The following ARHGAP26 variants were observed in gnomAD, a reference collection of about 807,000 sequenced individuals.
The protein encoded by ARHGAP26 is Rho GTPase activating protein 26.
Under a neutral mutation model 104.8 loss-of-function variants are expected in ARHGAP26, and 38 were observed. The observed-to-expected ratio is 0.36, with a 90% CI of 0.28 to 0.48. The LOEUF (loss-of-function observed/expected upper bound fraction) is 0.48. Ranked by LOEUF, ARHGAP26 falls within the 20% of genes least tolerant of loss-of-function variation. The probability of loss-of-function intolerance (pLI) is 0.99; values close to 1 mark genes in which losing one functional copy is unlikely to be tolerated. For missense variants in ARHGAP26, 704 were observed against 947.9 expected (o/e 0.74, Z 3.38); for synonymous variants, 341 against 340.0 (o/e 1.00, Z -0.03).
intron 5 of ARHGAP26, among the ~76,000 whole-genome samples, chr5:142,890,147 AAAAAATATATAT>A (rs1225052784): frequency 1.3e-5 from 1 of 78,572 alleles, no homozygotes; most frequent in Non-Finnish European, 2.4e-5. Context: ...AAAAAAAAAA[AAAAAATATATAT>A]ATATATATAT....
At chr5:142,948,295 G>A (rs1191351865) in intron 11 of ARHGAP26, among the ~76,000 whole-genome samples, 1 of 151,978 alleles carries the variant, frequency 6.6e-6, no homozygotes, top group African/African-American at 2.4e-5. Flanking sequence ...ACTGTCTCTA[G>A]CACCAGCAGT....
At chr5:143,109,892 C>T (rs536938894) in intron 17 of ARHGAP26, among the ~76,000 whole-genome samples, 17 of 152,300 alleles carry the variant, frequency 1.1e-4, no homozygotes, top group Non-Finnish European at 2.1e-4. Flanking sequence ...CAGTCAAGAA[C>T]AAAGCTTTTA....
rs191465951 is a variant in ARHGAP26 at position 142,795,858 on chromosome 5, G to A, written c.154+24943G>A. On this transcript the variant is annotated intron_variant, in intron 1 of 22. Transcript: ENST00000645722. ...TTGTACAGGTAAGTTATGATGGAAT[G>A]GATAGAAATCATGTGACCTCTCAAA... 2.6e-5 allele frequency among the ~76,000 whole-genome samples: 4 copies of A among 152,216 alleles called. No homozygotes were observed. In the East Asian group the frequency reaches 7.7e-4, roughly 29 times the overall value.
At chr5:142,922,453 A>C (rs1763331691) in intron 10 of ARHGAP26, among the ~76,000 whole-genome samples, 1 of 152,052 alleles carries the variant, frequency 6.6e-6, no homozygotes, top group Non-Finnish European at 1.5e-5. Context: ...TTTTCTGTAG[A>C]AAAAAATAAT....
intron 1 of ARHGAP26, among the ~76,000 whole-genome samples, chr5:142,780,289 A>G (rs529888891): frequency 2.6e-5 from 4 of 152,204 alleles, no homozygotes; most frequent in East Asian, 1.9e-4. Context: ...ACCTTTCACC[A>G]TTGCAAGTAA....
At chr5:142,969,556 G>A (rs1771928590) in intron 11 of ARHGAP26, 1 of 152,206 alleles carries the variant, frequency 6.6e-6, no homozygotes, top group Non-Finnish European at 1.5e-5. Context: ...TTGGTGGGTA[G>A]AAGAGCTCCA....
rs765278271 is a variant in ARHGAP26, at chr5:143,222,514, G to C, written c.*68G>C. The C allele has an allele frequency of 2.3e-6, 3 of 1,311,606 alleles. No homozygotes were observed. Among genetic ancestry groups the C allele is most frequent in the Non-Finnish European group, 3.1e-6 (3 of 963,860 alleles). The allele number at this position is 1,311,606 out of a possible 1,614,324, so 81.2% of individuals were successfully genotyped here. A position where few individuals can be genotyped will look rare whatever the true frequency, so the allele number is the denominator to read the frequency against. ...TGACAACTGCTGATTCCAGTGTCGA[G>C]GCCATTTCTCTTTGCCACTGAGAAA... On this transcript the variant is annotated 3_prime_UTR_variant, in exon 23 of 23. Coordinates refer to ENST00000645722, the MANE Select transcript of ARHGAP26 (RefSeq NM_001135608.3).
intron 1 of ARHGAP26, among the ~76,000 whole-genome samples, chr5:142,791,650 C>A (rs1016284170): frequency 7.9e-5 from 12 of 152,094 alleles, no homozygotes; most frequent in Non-Finnish European, 1.6e-4. Flanking sequence ...ATATTCTCCT[C>A]CCTACCCCTC....
At chr5:143,102,744 C>T (rs1793437299) in intron 17 of ARHGAP26, among the ~76,000 whole-genome samples, 2 of 152,238 alleles carry the variant, frequency 1.3e-5, no homozygotes, top group African/African-American at 2.4e-5. Flanking sequence ...CCAATCCTGC[C>T]TCTTTGAAAC....
intron 18 of ARHGAP26, among the ~76,000 whole-genome samples, chr5:143,126,802 A>G (rs544692391): frequency 1.3e-5 from 2 of 152,314 alleles, no homozygotes; most frequent in East Asian, 3.9e-4. Context: ...CTCAGATGGC[A>G]AAGATTTTGG....
At chr5:143,041,922 C>G (rs769373123) in intron 14 of ARHGAP26, 32 bp downstream of exon 14, 5 of 1,556,432 alleles carry the variant, frequency 3.2e-6, no homozygotes, top group Non-Finnish European at 4.4e-6. Context: ...CTAGGCAGGT[C>G]CCTGGATGGG....
chr5:142,880,240 C>T (rs1011686799), intron 4 of ARHGAP26, among the ~76,000 whole-genome samples: 3 of 152,286 alleles, frequency 2.0e-5, no homozygotes, highest in African/African-American at 7.2e-5. Context: ...ACTAGGAGGG[C>T]TGGGCGCAGT....
At chr5:143,014,960 A>T (rs1047503393) in intron 12 of ARHGAP26, among the ~76,000 whole-genome samples, 1 of 152,240 alleles carries the variant, frequency 6.6e-6, no homozygotes, top group Admixed American at 6.5e-5. Context: ...GTGCCTCTCC[A>T]TGTGGACCAA....
chr5:143,031,113 A>G (rs960216523), intron 12 of ARHGAP26, among the ~76,000 whole-genome samples: 2 of 152,350 alleles, frequency 1.3e-5, no homozygotes, highest in African/African-American at 4.8e-5. Context: ...CTGGGGAGAA[A>G]GCATGGTTAG....
At chr5:143,216,177 T>C (rs1002739070) in intron 22 of ARHGAP26, 8 of 471,506 alleles carry the variant, frequency 1.7e-5, no homozygotes, top group African/African-American at 1.6e-4. Flanking sequence ...CAAGTCCTTT[T>C]TTTCCCCAGC....
intron 17 of ARHGAP26, among the ~76,000 whole-genome samples, chr5:143,100,545 G>A (rs991125619): frequency 7.9e-5 from 12 of 152,188 alleles, no homozygotes; most frequent in Admixed American, 2.0e-4. Context: ...TTGTACTTAC[G>A]GTATCACCTC....
intron 12 of ARHGAP26, among the ~76,000 whole-genome samples, chr5:143,030,864 A>G (rs1443555288): frequency 6.6e-6 from 1 of 152,256 alleles, no homozygotes; most frequent in Non-Finnish European, 1.5e-5. Flanking sequence ...TACCTGGACC[A>G]TTGCCCTCAT....
chr5:143,086,635 G>C (rs1790624290), intron 17 of ARHGAP26, among the ~76,000 whole-genome samples: 1 of 152,122 alleles, frequency 6.6e-6, no homozygotes, highest in Non-Finnish European at 1.5e-5. Flanking sequence ...ACTGCTCTAG[G>C]GTTTATTAGC....
intron 11 of ARHGAP26, among the ~76,000 whole-genome samples, chr5:142,993,867 C>T (rs1776006543): frequency 6.6e-6 from 1 of 151,562 alleles, no homozygotes. Context: ...GGCTAGGACT[C>T]CTTATGTTGC....
Sources: gnomAD v4.1 joint callset for allele counts (sites outside exome capture counted in the v4.1 genomes callset) on GRCh38, gnomAD v4.1.1 for gene constraint, MANE v1.5 for transcripts, NCBI Gene and HGNC (gene_info 2026-07-23, HGNC 2026-07-21) for gene names.